DNMT3B: variants seen among roughly 807,000 people sequenced by gnomAD.
The protein encoded by DNMT3B is DNA (cytosine-5)-methyltransferase 3B.
DNMT3B carries 37 observed loss-of-function variants against 120.2 expected under a neutral mutation model. The ratio of observed to expected loss-of-function variants is 0.31; its 90% CI spans 0.24 to 0.40. The LOEUF is 0.40. Among genes scored for constraint, DNMT3B ranks in the 10% least tolerant of loss-of-function variants. The pLI is 1.00. For synonymous variants in DNMT3B, 412 were observed against 442.8 expected (o/e 0.93, Z 0.87); for missense variants, 878 against 1,137.3 (o/e 0.77, Z 3.28).
Position 32,795,510 on chromosome 20 carries a change from C to G in DNMT3B, c.1228C>G (p.Arg410Gly). Residue 410 changes from arginine to glycine, a missense_variant, in exon 11 of 23, where the codon CGA (arginine) becomes GGA (glycine). By Grantham distance (125) the Arg-to-Gly change is moderately radical. This residue lies in a region of DNMT3B where 207 missense variants were observed against 222.6 expected (regional missense o/e 0.93). Coordinates refer to ENST00000328111, the MANE Select transcript of DNMT3B (RefSeq NM_006892.4). ...AAATTGCTATAACAACGGCAAAGAC[C>G]GAGGGGATGAAGATCAGAGCCGAGG... ...KTNCYNNGKD[R>G]GDEDQSREQM... 1 of 1,614,126 alleles carries G rather than the reference C, an allele frequency of 6.2e-7. No homozygotes were observed. Among genetic ancestry groups the G allele is most frequent in the Non-Finnish European group, 8.5e-7 (1 of 1,180,032 alleles).
chr20:32,804,024 A>G (rs1010941906), intron 20 of DNMT3B, among the ~76,000 whole-genome samples: 1 of 152,214 alleles, frequency 6.6e-6, no homozygotes, highest in Non-Finnish European at 1.5e-5. Flanking sequence ...GGTGCCATCC[A>G]TAGAGAACAC....
At chr20:32,765,613 G>T (rs1987289439) in intron 1 of DNMT3B, among the ~76,000 whole-genome samples, 1 of 150,144 alleles carries the variant, frequency 6.7e-6, no homozygotes, top group Admixed American at 6.6e-5. Flanking sequence ...TTGAGACGGG[G>T]TTTCATCATG....
In DNMT3B at chr20:32,798,440, C is replaced by T. The variant is rs758112671; in HGVS notation, c.1491-20C>T. 2.5e-6 allele frequency: 4 copies of T among 1,614,050 alleles called. No individual in the cohort carries two copies. The Admixed American group carries it at 5.0e-5, about 20-fold the overall frequency. On this transcript the variant is annotated intron_variant, in intron 14 of 22. Transcript: ENST00000328111. The stretch of plus-strand genomic sequence containing the variant: ...ACCAGCTCTGACAAAGGCATCCCTT[C>T]TCCCTGCCACTGGGTCCAGGTGTTT...
intron 17 of DNMT3B, 29 bp from the exon 18 acceptor site, chr20:32,800,806 C>G: frequency 2.5e-6 from 4 of 1,611,276 alleles, no homozygotes; most frequent in Non-Finnish European, 3.4e-6. Context: ...TGTCCACACC[C>G]TCATCCTGAC....
chr20:32,795,482 G>T lies in DNMT3B; in HGVS notation c.1200G>T (p.Lys400Asn). Residue 400 changes from lysine (K) to asparagine (N), a missense_variant, in exon 11 of 23, where the codon AAG becomes AAT. By Grantham distance (94) the Lys-to-Asn change is moderately conservative. Around this residue, in one of 4 missense-constraint regions of DNMT3B, gnomAD observed 207 missense variants for 222.6 expected, o/e 0.93. Transcript: ENST00000328111. ...ACTGCCCCGCACCCAAGCGCCTCAA[G>T]ACAAATTGCTATAACAACGGCAAAG... ...SDYCPAPKRL[K>N]TNCYNNGKDR... 6.2e-7 allele frequency: 1 copy of T among 1,614,194 alleles called. No homozygotes were observed. Among genetic ancestry groups the T allele is most frequent in the Non-Finnish European group, 8.5e-7 (1 of 1,180,048 alleles).
chr20:32,798,243 C>A (rs533430569), intron 14 of DNMT3B, among the ~76,000 whole-genome samples: 4 of 152,334 alleles, frequency 2.6e-5, no homozygotes, highest in African/African-American at 9.6e-5. Flanking sequence ...GAGAGCATTT[C>A]TGATCAGAGA....
chr20:32,800,147 C>G lies in DNMT3B; in HGVS notation c.1760-6C>G, dbSNP rs755175376. The G allele has an allele frequency of 1.1e-5, 17 of 1,614,170 alleles. No homozygotes were observed. Among genetic ancestry groups the G allele is most frequent in the Non-Finnish European group, 1.3e-5 (15 of 1,180,040 alleles). On this transcript the variant is annotated splice_polypyrimidine_tract_variant and splice_region_variant and intron_variant, in intron 16 of 22. Coordinates refer to ENST00000328111, the MANE Select transcript of DNMT3B (RefSeq NM_006892.4). ...TTATGCTTCTGTGTCTCTCTGGCCCCCACAGGCTACCTAGTCCTCAAAGAG... is the reference window on the plus strand; with the variant it reads ...TTATGCTTCTGTGTCTCTCTGGCCCGCACAGGCTACCTAGTCCTCAAAGAG...
At chr20:32,773,309 T>C (rs973384702) in intron 1 of DNMT3B, among the ~76,000 whole-genome samples, 2 of 152,160 alleles carry the variant, frequency 1.3e-5, no homozygotes, top group South Asian at 2.1e-4. Context: ...ATAATTCTGC[T>C]TACTATGCCA....
At chr20:32,800,008 G>A (rs1004822203) in intron 16 of DNMT3B, 145 bp from the exon 17 acceptor site, 18 of 1,201,580 alleles carry the variant, frequency 1.5e-5, no homozygotes, top group Non-Finnish European at 2.2e-5. Flanking sequence ...GCCAATATGT[G>A]TGGTGCGTGT....
At chr20:32,771,086 T>C (rs1249073827) in intron 1 of DNMT3B, among the ~76,000 whole-genome samples, 1 of 152,186 alleles carries the variant, frequency 6.6e-6, no homozygotes, top group African/African-American at 2.4e-5. Context: ...AGCTTTTCTT[T>C]GTGTTGTGAT....
chr20:32,789,035 G>A (rs1384154566), intron 7 of DNMT3B, 23 bp downstream of exon 7: 1 of 1,612,856 alleles, frequency 6.2e-7, no homozygotes, highest in East Asian at 2.2e-5. Flanking sequence ...AAGGGCAAGG[G>A]GTTCTGCAGG....
rs1237216230 is a variant in DNMT3B, at chr20:32,773,945, T to TTTG, written c.-6-6371_-6-6370insGTT. On this transcript the variant is annotated intron_variant, in intron 1 of 22. Transcript: ENST00000328111. ...TGCGCCCGGCAGTGGTTTTTTTTTT[T>TTTG]TTTTTTTTTTTTTTTACGCTTTCCT... Among the ~76,000 whole-genome samples, 144 of 143,622 alleles carry TTTG rather than the reference T, an allele frequency of 1.0e-3. 3 individuals carry two copies. The highest frequency in any genetic ancestry group is 3.6e-3 in the African/African-American group (139 of 38,198). The allele number at this position is 143,622 out of a possible 152,430, so 94.2% of individuals were successfully genotyped here.
Position 32,777,460 on chromosome 20 carries a change from A to T in DNMT3B, c.-6-2858A>T, listed in dbSNP as rs117105079. On this transcript the variant is annotated intron_variant, in intron 1 of 22. Transcript: ENST00000328111. ...AATGGGGTTCAATGTTGCCTGCGAA[A>T]CCCAGCACACATTAGAACCCCAGGC... Among the ~76,000 whole-genome samples the T allele has an allele frequency of 6.2e-4, 95 of 152,112 alleles. No individual in the cohort carries two copies. In the East Asian group the frequency reaches 0.016, roughly 26 times the overall value.
intron 1 of DNMT3B, among the ~76,000 whole-genome samples, chr20:32,764,537 A>C (rs1370173696): frequency 6.6e-6 from 1 of 152,134 alleles, no homozygotes; most frequent in Non-Finnish European, 1.5e-5. Flanking sequence ...GCTTTTCTCA[A>C]TCATTGTCCA....
intron 10 of DNMT3B, among the ~76,000 whole-genome samples, chr20:32,794,549 A>G (rs1980389437): frequency 6.6e-6 from 1 of 151,854 alleles, no homozygotes; most frequent in Admixed American, 6.6e-5. Flanking sequence ...GTGGTGCTGC[A>G]TGCCTGTAAC....
At chr20:32,788,632 C>T (rs1979607332) in intron 6 of DNMT3B, among the ~76,000 whole-genome samples, 1 of 152,174 alleles carries the variant, frequency 6.6e-6, no homozygotes, top group Admixed American at 6.5e-5. Context: ...GAAATGGAGT[C>T]TTGCTGTGTT....
chr20:32,775,405 C>T (rs1319027155), intron 1 of DNMT3B, among the ~76,000 whole-genome samples: 1 of 152,234 alleles, frequency 6.6e-6, no homozygotes, highest in Non-Finnish European at 1.5e-5. Flanking sequence ...CATCAGTTCT[C>T]AGCATTACTG....
At chr20:32,764,872 G>A (rs1987207558) in intron 1 of DNMT3B, among the ~76,000 whole-genome samples, 1 of 152,174 alleles carries the variant, frequency 6.6e-6, no homozygotes, top group African/African-American at 2.4e-5. Flanking sequence ...AGGGAGGTGG[G>A]GTTGAGAGGC....
intron 14 of DNMT3B, 55 bp downstream of exon 14, chr20:32,797,354 TC>T: frequency 6.5e-7 from 1 of 1,541,202 alleles, no homozygotes; most frequent in Non-Finnish European, 8.9e-7. Context: ...GCTCCTACGT[TC>T]CTGCAGTCTG....
Sources: allele counts gnomAD v4.1 joint callset (sites outside exome capture counted in the v4.1 genomes callset), GRCh38; gene constraint gnomAD v4.1.1; regional missense constraint gnomAD v4.1.1; transcripts MANE v1.5; gene names NCBI Gene and HGNC (gene_info 2026-07-23, HGNC 2026-07-21).